The following HEMK2 variants were observed in gnomAD, a reference collection of about 807,000 sequenced individuals.
HEMK2 encodes HemK methyltransferase 2, ETF1 glutamine and histone H4 lysine.
the HEMK2 span, among the ~76,000 whole-genome samples, chr21:28,793,643 C>T: frequency 1.3e-5 from 2 of 152,076 alleles, no homozygotes; most frequent in Non-Finnish European, 2.9e-5. Context: ...CATCCCAATC[C>T]CCAAAATCTG....
At chr21:28,815,772 ATAAC>A in the HEMK2 span, among the ~76,000 whole-genome samples, 2 of 152,222 alleles carry the variant, frequency 1.3e-5, no homozygotes, top group South Asian at 2.1e-4. Context: ...AACCAACTAA[ATAAC>A]TAACATCTGA....
chr21:28,658,370 A>G, the HEMK2 span, among the ~76,000 whole-genome samples: 1 of 152,022 alleles, frequency 6.6e-6, no homozygotes, highest in Non-Finnish European at 1.5e-5. Flanking sequence ...GCCCTAAGAA[A>G]ATGCATAGAA....
chr21:28,868,196 A>C, the HEMK2 span, among the ~76,000 whole-genome samples: 2 of 152,276 alleles, frequency 1.3e-5, no homozygotes, highest in East Asian at 3.9e-4. Flanking sequence ...GAGTAGCTCA[A>C]GCTCTCTCAT....
the HEMK2 span, chr21:28,879,920 C>G: frequency 6.2e-7 from 1 of 1,601,118 alleles, no homozygotes; most frequent in South Asian, 1.1e-5. Flanking sequence ...AGAAGATCAA[C>G]TTTTTCGGTC....
At chr21:28,702,126 A>T in the HEMK2 span, among the ~76,000 whole-genome samples, 2 of 152,188 alleles carry the variant, frequency 1.3e-5, no homozygotes, top group Non-Finnish European at 2.9e-5. Flanking sequence ...CTAGCTAGCC[A>T]TATGCAGAAG....
At chr21:28,727,884 C>T in the HEMK2 span, among the ~76,000 whole-genome samples, 2 of 152,170 alleles carry the variant, frequency 1.3e-5, no homozygotes, top group Non-Finnish European at 2.9e-5. Flanking sequence ...GGGCCAATAT[C>T]CCTCATTTTA....
the HEMK2 span, among the ~76,000 whole-genome samples, chr21:28,629,048 T>G: frequency 9.6e-4 from 146 of 152,278 alleles, 1 homozygote; most frequent in Admixed American, 6.5e-4. Context: ...TGGGAAGGCT[T>G]GGGATCTACA....
the HEMK2 span, among the ~76,000 whole-genome samples, chr21:28,861,343 T>A: frequency 6.6e-6 from 1 of 152,224 alleles, no homozygotes; most frequent in Non-Finnish European, 1.5e-5. Context: ...AGCTCTGGCA[T>A]TGGCTAATTA....
At chr21:28,681,120 T>C in the HEMK2 span, among the ~76,000 whole-genome samples, 10 of 152,208 alleles carry the variant, frequency 6.6e-5, no homozygotes, top group Non-Finnish European at 1.0e-4. Flanking sequence ...TTGTCCCTGT[T>C]TGCAGATGAC....
the HEMK2 span, among the ~76,000 whole-genome samples, chr21:28,616,246 T>A: frequency 6.6e-6 from 1 of 152,200 alleles, no homozygotes; most frequent in Non-Finnish European, 1.5e-5. Flanking sequence ...AATGTAGAAC[T>A]AACTCTTCTG....
the HEMK2 span, among the ~76,000 whole-genome samples, chr21:28,824,637 T>C: frequency 1.3e-5 from 2 of 152,096 alleles, no homozygotes; most frequent in Non-Finnish European, 2.9e-5. Flanking sequence ...TGGAGTTGCT[T>C]CCCAGAAATA....
the HEMK2 span, among the ~76,000 whole-genome samples, chr21:28,576,990 C>T: frequency 3.3e-5 from 5 of 152,198 alleles, no homozygotes; most frequent in Admixed American, 6.5e-5. Context: ...GGATTACAGG[C>T]GTGAGCCACT....
At chr21:28,624,087 G>A in the HEMK2 span, among the ~76,000 whole-genome samples, 3 of 152,142 alleles carry the variant, frequency 2.0e-5, no homozygotes, top group Non-Finnish European at 4.4e-5. Context: ...AGAAGTTATT[G>A]TCTTATCAGC....
the HEMK2 span, among the ~76,000 whole-genome samples, chr21:28,683,922 A>C: frequency 6.6e-6 from 1 of 152,300 alleles, no homozygotes; most frequent in East Asian, 1.9e-4. Flanking sequence ...GCTTCTTTTT[A>C]TCTTTTGGGA....
the HEMK2 span, among the ~76,000 whole-genome samples, chr21:28,614,267 TTACAC>T: frequency 6.6e-6 from 1 of 152,190 alleles, no homozygotes; most frequent in African/African-American, 2.4e-5. Context: ...TATATATCCT[TTACAC>T]TAGACTGATA....
chr21:28,650,125 G>A, the HEMK2 span, among the ~76,000 whole-genome samples: 108 of 152,306 alleles, frequency 7.1e-4, no homozygotes, highest in African/African-American at 1.3e-3. Flanking sequence ...AGCCAGGCGC[G>A]GTGGCTCACG....
At chr21:28,878,270 T>C in the HEMK2 span, 3 of 1,610,138 alleles carry the variant, frequency 1.9e-6, no homozygotes, top group Non-Finnish European at 1.7e-6. Context: ...GGAAAAAACC[T>C]GTCCATGACT....
the HEMK2 span, among the ~76,000 whole-genome samples, chr21:28,715,750 C>T: frequency 6.6e-6 from 1 of 152,096 alleles, no homozygotes; most frequent in South Asian, 2.1e-4. Context: ...CCTTGATTTT[C>T]TTCTACCACG....
chr21:28,678,263 C>T, the HEMK2 span, among the ~76,000 whole-genome samples: 2 of 152,272 alleles, frequency 1.3e-5, no homozygotes, highest in Admixed American at 1.3e-4. Context: ...GCCTCAGTAG[C>T]TGATTTGATC....
Sources: gnomAD v4.1 joint callset for allele counts (sites outside exome capture counted in the v4.1 genomes callset) on GRCh38, gnomAD v4.1.1 for gene constraint, MANE v1.5 for transcripts, NCBI Gene and HGNC (gene_info 2026-07-23, HGNC 2026-07-21) for gene names.